CREB5: variants seen among roughly 807,000 people sequenced by gnomAD.
CREB5 encodes the protein cyclic AMP-responsive element-binding protein 5.
A neutral mutation model predicts 57.1 loss-of-function variants in CREB5; 19 were observed. The ratio of observed to expected loss-of-function variants is 0.33; its 90% CI spans 0.23 to 0.49. The LOEUF is 0.49. CREB5 is among the 20% of genes least tolerant of loss of function. The probability of loss-of-function intolerance (pLI) is 0.99; values close to 1 mark genes in which losing one functional copy is unlikely to be tolerated. For missense variants in CREB5, 579 were observed against 671.6 expected, an observed-to-expected ratio of 0.86 and a Z score of 1.52; for synonymous variants, 238 against 238.3, an observed-to-expected ratio of 1.00 and a Z score of 0.01.
At chr7:28,494,514 T>C (rs1220199693) in intron 2 of CREB5, among the ~76,000 whole-genome samples, 2 of 152,206 alleles carry the variant, frequency 1.3e-5, no homozygotes, top group Non-Finnish European at 2.9e-5. Context: ...ATCAGCATAG[T>C]TGGATATATC....
chr7:28,344,545 T>G (rs533166077), intron 1 of CREB5, among the ~76,000 whole-genome samples: 2 of 152,370 alleles, frequency 1.3e-5, no homozygotes, highest in East Asian at 3.9e-4. Context: ...TTTTGGCTAC[T>G]ACAGCTTTGT....
chr7:28,569,402 G>T (rs1166638449), intron 4 of CREB5, among the ~76,000 whole-genome samples: 1 of 152,090 alleles, frequency 6.6e-6, no homozygotes, highest in Non-Finnish European at 1.5e-5. Context: ...TCTCTGCTCA[G>T]TGTGAATTTT....
At chr7:28,519,510 T>G (rs1252697183) in intron 4 of CREB5, among the ~76,000 whole-genome samples, 1 of 140,076 alleles carries the variant, frequency 7.1e-6, no homozygotes, top group Non-Finnish European at 1.6e-5. Context: ...GGAGGTGAAC[T>G]TAGAGTTGAT....
chr7:28,549,107 C>T (rs745719464), intron 4 of CREB5, among the ~76,000 whole-genome samples: 6 of 152,096 alleles, frequency 3.9e-5, no homozygotes, highest in African/African-American at 1.2e-4. Context: ...ATCTTAGAAT[C>T]GAATTGGACA....
intron 5 of CREB5, among the ~76,000 whole-genome samples, chr7:28,647,889 A>C (rs1476986129): frequency 6.6e-6 from 1 of 152,084 alleles, no homozygotes; most frequent in Admixed American, 6.6e-5. Flanking sequence ...AAGACCAACC[A>C]GGGCAACATA....
chr7:28,653,061 C>G (rs987655244), intron 5 of CREB5, among the ~76,000 whole-genome samples: 2 of 152,130 alleles, frequency 1.3e-5, no homozygotes, highest in Non-Finnish European at 2.9e-5. Context: ...AAGTGAGTAA[C>G]AAGTTGTGTG....
In CREB5 at chr7:28,568,241, C is replaced by T. The variant is rs571980388; in HGVS notation, c.292-2124C>T. Among the ~76,000 whole-genome samples the T allele has an allele frequency of 8.5e-5, 13 of 152,106 alleles. No homozygotes were observed. In the South Asian group the frequency reaches 1.7e-3, roughly 19 times the overall value. ...GTCATATGTCTTATATTTTTCTTTGCGAATTTAAAGATTGTGATCTTAAAA... is the reference window on the plus strand; with the variant it reads ...GTCATATGTCTTATATTTTTCTTTGTGAATTTAAAGATTGTGATCTTAAAA... On this transcript the variant is annotated intron_variant, in intron 4 of 10. Coordinates refer to ENST00000357727, the MANE Select transcript of CREB5 (RefSeq NM_182898.4).
intron 1 of CREB5, among the ~76,000 whole-genome samples, chr7:28,304,976 T>C (rs754438997): frequency 3.3e-5 from 5 of 152,216 alleles, no homozygotes; most frequent in Non-Finnish European, 5.9e-5. Flanking sequence ...TCTTTCATAG[T>C]TCCCAAATTT....
At chr7:28,454,841 G>T (rs889116186) in intron 1 of CREB5, among the ~76,000 whole-genome samples, 1 of 152,184 alleles carries the variant, frequency 6.6e-6, no homozygotes, top group African/African-American at 2.4e-5. Flanking sequence ...TACTCTAACG[G>T]AATGTGACCC....
At chr7:28,512,000 G>C (rs1792722762) in intron 4 of CREB5, among the ~76,000 whole-genome samples, 2 of 149,162 alleles carry the variant, frequency 1.3e-5, no homozygotes, top group Non-Finnish European at 2.9e-5. Flanking sequence ...TGAAGAGAGA[G>C]CCAACAGGAT....
At chr7:28,649,981 C>G (rs1373829661) in intron 5 of CREB5, among the ~76,000 whole-genome samples, 2 of 152,142 alleles carry the variant, frequency 1.3e-5, no homozygotes, top group Non-Finnish European at 2.9e-5. Flanking sequence ...CCCTTTGAAA[C>G]ATGCAGACTC....
chr7:28,560,952 G>GTGCC (rs1795210516), intron 4 of CREB5, among the ~76,000 whole-genome samples: 1 of 53,618 alleles, frequency 1.9e-5, no homozygotes, highest in East Asian at 6.2e-4. Context: ...GTGTGTGTGC[G>GTGCC]TGTGTGTGCG....
intron 4 of CREB5, among the ~76,000 whole-genome samples, chr7:28,516,658 T>C (rs1040579751): frequency 2.6e-5 from 4 of 152,098 alleles, no homozygotes; most frequent in Non-Finnish European, 5.9e-5. Context: ...CTAAAACAAT[T>C]AGGAAGCTCC....
At chr7:28,433,728 A>G (rs1294112059) in intron 1 of CREB5, among the ~76,000 whole-genome samples, 1 of 152,026 alleles carries the variant, frequency 6.6e-6, no homozygotes, top group Non-Finnish European at 1.5e-5. Flanking sequence ...TCAGTGTAAA[A>G]AGGGTTTAAA....
intron 5 of CREB5, among the ~76,000 whole-genome samples, chr7:28,684,360 C>G (rs900557402): frequency 6.6e-5 from 10 of 152,286 alleles, no homozygotes; most frequent in African/African-American, 2.2e-4. Context: ...AGGTGTCACT[C>G]GGAGCTACTG....
At chr7:28,574,785 A>G (rs377177655) in intron 5 of CREB5, among the ~76,000 whole-genome samples, 40 of 152,200 alleles carry the variant, frequency 2.6e-4, no homozygotes, top group African/African-American at 9.6e-4. Context: ...GCATCAGGAA[A>G]CTCAGAAATA....
At chr7:28,421,611 G>A (rs558826525) in intron 1 of CREB5, among the ~76,000 whole-genome samples, 7 of 152,068 alleles carry the variant, frequency 4.6e-5, no homozygotes, top group South Asian at 2.1e-4. Flanking sequence ...AGCTAGGCAC[G>A]TAACACTGCA....
In CREB5 at chr7:28,560,899, TGCGC is replaced by T. The variant is rs1240662799; in HGVS notation, c.292-9462_292-9459del. ...GCGTGCGTGCGTGCGTGTGTGTGCG[TGCGC>T]GCGTGCGTGTGCGTGTGTGCGCGTG... On this transcript the variant is annotated intron_variant, in intron 4 of 10. Transcript: ENST00000357727. Among the ~76,000 whole-genome samples, 109 of 18,600 alleles carry T rather than the reference TGCGC, an allele frequency of 5.9e-3. 4 individuals carry two copies. Among genetic ancestry groups the T allele is most frequent in the African/African-American group, 0.016 (63 of 3,962 alleles). The allele number at this position is 18,600 out of a possible 152,430, so 12.2% of individuals were successfully genotyped here.
intron 7 of CREB5, among the ~76,000 whole-genome samples, chr7:28,737,527 G>GTA (rs1265059846): frequency 8.3e-5 from 7 of 84,304 alleles, no homozygotes; most frequent in Admixed American, 3.8e-4. Context: ...GTGTATATAT[G>GTA]TATATATATA....
Sources: allele counts gnomAD v4.1 joint callset (sites outside exome capture counted in the v4.1 genomes callset), GRCh38; gene constraint gnomAD v4.1.1; transcripts MANE v1.5; gene names NCBI Gene and HGNC (gene_info 2026-07-23, HGNC 2026-07-21).